HGFAC: variants seen among roughly 807,000 people sequenced by gnomAD.
The protein encoded by HGFAC is hepatocyte growth factor activator serine protease.
A neutral mutation model predicts 70.6 loss-of-function variants in HGFAC; 76 were observed. The ratio of observed to expected loss-of-function variants is 1.08; its 90% CI spans 0.89 to 1.30. HGFAC has a LOEUF of 1.30. Ranked by LOEUF, HGFAC falls within the 50% of genes most tolerant of loss-of-function variation. The pLI is 0.00. For missense variants in HGFAC, 1,044 were observed against 933.7 expected (o/e 1.12, Z -1.54); for synonymous variants, 464 against 405.3 (o/e 1.14, Z -1.74).
rs1429057024 is a variant in HGFAC, at chr4:3,442,054, C to T, written c.53C>T (p.Pro18Leu). The T allele has an allele frequency of 1.9e-6, 3 of 1,546,150 alleles. No homozygotes were observed. Among genetic ancestry groups the T allele is most frequent in the African/African-American group, 2.8e-5 (2 of 70,660 alleles). ...PSPWPPPGLGPFLLLLLLLLL... is the reference protein window; with the variant it reads ...PSPWPPPGLGLFLLLLLLLLL... ...CCCTGGCCCCCACCGGGGCTGGGCC[C>T]CTTCCTCCTCCTCCTCCTGCTGCTG... The change falls in exon 1 of 14, where the codon CCC becomes CTC. Residue 18 changes from proline (P) to leucine (L), a missense_variant. Coordinates refer to ENST00000382774, the MANE Select transcript of HGFAC (RefSeq NM_001528.4).
chr4:3,447,412 G>A, intron 10 of HGFAC, 80 bp from the exon 11 acceptor site: 1 of 1,542,196 alleles, frequency 6.5e-7, no homozygotes, highest in Middle Eastern at 1.8e-4. Context: ...GCCTCCGTGG[G>A]CCTGACAGGG....
intron 13 of HGFAC, among the ~76,000 whole-genome samples, chr4:3,448,490 G>A (rs928760753): frequency 2.6e-5 from 4 of 152,208 alleles, no homozygotes; most frequent in African/African-American, 9.7e-5. Flanking sequence ...TCCTCACACA[G>A]AAGGGGAGAC....
rs772410260 is a variant in HGFAC at position 3,442,875 on chromosome 4, C to A, written c.261C>A (p.Pro87=). The A allele has an allele frequency of 4.5e-6, 7 of 1,568,576 alleles. No individual in the cohort carries two copies. Among genetic ancestry groups the A allele is most frequent in the Non-Finnish European group, 6.0e-6 (7 of 1,161,954 alleles). Residue 87 remains proline (P), a synonymous_variant, in exon 2 of 14, where the codon CCC becomes CCA. Coordinates refer to ENST00000382774, the MANE Select transcript of HGFAC (RefSeq NM_001528.4). ...GPQSGGLPPP[P]RAVPSSSSPQ... ...AAAGTGGGGGGCTCCCGCCCCCGCC[C>A]AGGGCAGTTCCCTCGAGCAGTAGCC...
chr4:3,445,635 G>A, intron 9 of HGFAC: 1 of 602,332 alleles, frequency 1.7e-6, no homozygotes, highest in Non-Finnish European at 2.9e-6. Context: ...TTTCAGGGAG[G>A]TGCAGGGAGG....
chr4:3,444,379 G>T lies in HGFAC; in HGVS notation c.667G>T (p.Gly223Cys), dbSNP rs756078105. ...CGACCGCTGGGCCCGCGTGCGCCAG[G>T]GCCACGTGGAACAGTGCGAGTGCTT... is the stretch of plus-strand genomic sequence containing the variant. ...GGDRWARVRQGHVEQCECFGG... is the reference protein window; with the variant it reads ...GGDRWARVRQCHVEQCECFGG... Residue 223 changes from glycine (G) to cysteine (C), a missense_variant, in exon 6 of 14, where the codon GGC (glycine) becomes TGC (cysteine). Transcript: ENST00000382774. The T allele has an allele frequency of 8.1e-6, 13 of 1,604,390 alleles. No individual in the cohort carries two copies. In the African/African-American group the frequency reaches 1.3e-4, roughly 16 times the overall value.
At position 3,444,847 on chromosome 4, in the gene HGFAC, C is replaced by G; in HGVS notation, c.870C>G (p.Asn290Lys). The change falls in exon 8 of 14, where the codon AAC becomes AAG. Residue 290 changes from asparagine to lysine, a missense_variant. Asn to Lys is a moderately conservative substitution (Grantham distance 94). Transcript: ENST00000382774. ...IEPDERCFLG[N>K]GTGYRGVAST... ...CTGATGAGCGCTGCTTCTTGGGGAA[C>G]GGCACTGGGTACCGTGGCGTGGCCA... The G allele has an allele frequency of 1.2e-6, 2 of 1,600,896 alleles. No individual in the cohort carries two copies. Among genetic ancestry groups the G allele is most frequent in the Non-Finnish European group, 1.7e-6 (2 of 1,174,152 alleles).
In HGFAC at chr4:3,444,978, C is replaced by T. The variant is rs1191329248; in HGVS notation, c.1001C>T (p.Pro334Leu). Residue 334 changes from proline (P) to leucine (L), a missense_variant, in exon 8 of 14, where the codon CCC (proline) becomes CTC (leucine). Transcript: ENST00000382774. ...VGAAALLGLG[P>L]HAYCRNPDND... ...GCCGCGGCCCTGCTGGGCCTGGGCC[C>T]CCATGCCTACTGCCGGTCAGCACCA... The T allele has an allele frequency of 1.3e-6, 2 of 1,594,896 alleles. No individual in the cohort carries two copies. Among genetic ancestry groups the T allele is most frequent in the Admixed American group, 1.7e-5 (1 of 57,844 alleles).
rs371130576 is a variant in HGFAC, at chr4:3,446,086, C to G, written c.1147C>G (p.Leu383Val). 2 of 1,609,700 alleles carry G rather than the reference C, an allele frequency of 1.2e-6. No individual in the cohort carries two copies. Among genetic ancestry groups the G allele is most frequent in the East Asian group, 4.5e-5 (2 of 44,786 alleles). ...VQLSPDLLAT[L>V]PEPASPGRQA... ...ACTGTCACCGGATCTCCTGGCGACC[C>G]TGCCTGAGCCAGCCTCCCCGGGGCG... The change falls in exon 10 of 14, where the codon CTG becomes GTG. Residue 383 changes from leucine (L) to valine (V), a missense_variant. Leu to Val is a conservative substitution (Grantham distance 32). Transcript: ENST00000382774.
In HGFAC at chr4:3,444,932, C is replaced by G; in HGVS notation, c.955C>G (p.Leu319Val). The G allele has an allele frequency of 6.2e-7, 1 of 1,609,680 alleles. No homozygotes were observed. Among genetic ancestry groups the G allele is most frequent in the Non-Finnish European group, 8.5e-7 (1 of 1,178,814 alleles). Residue 319 changes from leucine (L) to valine (V), a missense_variant, in exon 8 of 14, where the codon CTG becomes GTG. Leu to Val is a conservative substitution (Grantham distance 32). Coordinates refer to ENST00000382774, the MANE Select transcript of HGFAC (RefSeq NM_001528.4). Reference sequence around the variant, plus strand: ...GAACTCCGATCTGCTCTACCAGGAGCTGCACGTGGACTCCGTGGGCGCCGC... The same window carrying G: ...GAACTCCGATCTGCTCTACCAGGAGGTGCACGTGGACTCCGTGGGCGCCGC... ...AWNSDLLYQE[L>V]HVDSVGAAAL...
rs553288919 is a variant in HGFAC at position 3,448,299 on chromosome 4, A to G, written c.1785+23A>G. The G allele has an allele frequency of 6.9e-6, 11 of 1,600,820 alleles. No homozygotes were observed. In the African/African-American group the frequency reaches 1.1e-4, roughly 16 times the overall value. ...CAGGTGAGCTGGTGCCCGCCCCACC[A>G]GGACCCGACTGGTGGGGGCTCAGCT... On this transcript the variant is annotated intron_variant, in intron 13 of 13. Transcript: ENST00000382774.
chr4:3,449,158 C>A, intron 13 of HGFAC, 79 bp from the exon 14 acceptor site: 1 of 1,365,632 alleles, frequency 7.3e-7, no homozygotes, highest in Non-Finnish European at 1.0e-6. Flanking sequence ...TCCTCTGTCC[C>A]CAAGCTGCCA....
chr4:3,444,065 C>A lies in HGFAC; in HGVS notation c.502C>A (p.Pro168Thr), dbSNP rs773184456. ...TGCCCTGGATCCCTGTGCCTCCGGCCCCTGCCTCAATGGAGGCTCCTGCTC... is the reference window on the plus strand; with the variant it reads ...TGCCCTGGATCCCTGTGCCTCCGGCACCTGCCTCAATGGAGGCTCCTGCTC... ...PAALDPCASG[P>T]CLNGGSCSNT... Residue 168 changes from proline (P) to threonine (T), a missense_variant, in exon 5 of 14, where the codon CCC becomes ACC. Pro to Thr is a conservative substitution (Grantham distance 38, BLOSUM62 -1). Coordinates refer to ENST00000382774, the MANE Select transcript of HGFAC (RefSeq NM_001528.4). The A allele has an allele frequency of 3.7e-6, 6 of 1,610,028 alleles. No homozygotes were observed. The highest frequency in any genetic ancestry group is 5.1e-6 in the Non-Finnish European group (6 of 1,178,796).
At position 3,442,915 on chromosome 4, in the gene HGFAC, G is replaced by A. The variant is rs1725363338; in HGVS notation, c.298+3G>A. On this transcript the variant is annotated splice_donor_region_variant and intron_variant, in intron 2 of 13. Transcript: ENST00000382774. ...GAGCAGTAGCCCCCAGGCCCAAGGTGGGTCAGGTGGGCCTGGGAGGAGGTG... is the reference window on the plus strand; with the variant it reads ...GAGCAGTAGCCCCCAGGCCCAAGGTAGGTCAGGTGGGCCTGGGAGGAGGTG... 3 of 1,562,220 alleles carry A rather than the reference G, an allele frequency of 1.9e-6. No individual in the cohort carries two copies. Among genetic ancestry groups the A allele is most frequent in the Non-Finnish European group, 2.6e-6 (3 of 1,155,198 alleles).
chr4:3,445,406 C>A, intron 9 of HGFAC, 56 bp downstream of exon 9: 3 of 1,230,386 alleles, frequency 2.4e-6, no homozygotes, highest in Non-Finnish European at 3.5e-6. Context: ...CAGCAGTTTT[C>A]CCCGTGATCC....
At chr4:3,448,311 G>A (rs1277086567) in intron 13 of HGFAC, 35 bp downstream of exon 13, 1 of 1,600,654 alleles carries the variant, frequency 6.2e-7, no homozygotes, top group East Asian at 2.2e-5. Flanking sequence ...GACCCGACTG[G>A]TGGGGGCTCA....
chr4:3,443,161 C>G lies in HGFAC; in HGVS notation c.395+15C>G, dbSNP rs769202803. 6.7e-7 allele frequency: 1 copy of G among 1,495,206 alleles called. No individual in the cohort carries two copies. Among genetic ancestry groups the G allele is most frequent in the Non-Finnish European group, 8.9e-7 (1 of 1,119,494 alleles). 92.6% of individuals were successfully genotyped at this position (1,495,206 alleles called of 1,614,324 possible). Reference sequence around the variant, plus strand: ...CACAGGAAGTGGTGGGTCCGGGCAGCCGGGGCACCCGAGCTGGGGTCACCT... The same window carrying G: ...CACAGGAAGTGGTGGGTCCGGGCAGGCGGGGCACCCGAGCTGGGGTCACCT... On this transcript the variant is annotated intron_variant, in intron 3 of 13. Coordinates refer to ENST00000382774, the MANE Select transcript of HGFAC (RefSeq NM_001528.4).
intron 1 of HGFAC, 60 bp from the exon 2 acceptor site, chr4:3,442,672 C>T (rs1725353293): frequency 1.6e-6 from 2 of 1,261,958 alleles, no homozygotes; most frequent in Admixed American, 2.8e-5. Context: ...TGACCTCCTG[C>T]CCGGCAGGAC....
At chr4:3,443,508 A>C in intron 4 of HGFAC, 88 bp downstream of exon 4, 2 of 816,386 alleles carry the variant, frequency 2.4e-6, no homozygotes, top group Non-Finnish European at 3.6e-6. Context: ...GGACCCGGGC[A>C]GGGGTCCTGG....
Position 3,447,754 on chromosome 4 carries a change from G to C in HGFAC, c.1495+123G>C, listed in dbSNP as rs1725566937. ...GCGGGGGAAGCTGGGGGCAGGGCAG[G>C]GAGGACAGGGCACCGCTCCCTTCTG... On this transcript the variant is annotated intron_variant, in intron 11 of 13. Transcript: ENST00000382774. 2.0e-6 allele frequency: 3 copies of C among 1,530,024 alleles called. No individual in the cohort carries two copies. The South Asian group carries it at 3.6e-5, about 19-fold the overall frequency. 94.8% of individuals were successfully genotyped at this position (1,530,024 alleles called of 1,614,324 possible).
Sources: gnomAD v4.1 joint callset for allele counts (sites outside exome capture counted in the v4.1 genomes callset) on GRCh38, gnomAD v4.1.1 for gene constraint, MANE v1.5 for transcripts, NCBI Gene and HGNC (gene_info 2026-07-23, HGNC 2026-07-21) for gene names.